The following PARP4 variants were observed in gnomAD, a reference collection of about 807,000 sequenced individuals.
PARP4 encodes the protein poly(ADP-ribose) polymerase family member 4.
A neutral mutation model predicts 187.7 loss-of-function variants in PARP4; 120 were observed. That is an observed-to-expected ratio of 0.64 (90% CI 0.55 to 0.74). PARP4 has a LOEUF of 0.74. PARP4 is among the 30% of genes least tolerant of loss of function. The pLI is 0.00. For synonymous variants in PARP4, 654 were observed against 740.9 expected (o/e 0.88, Z 1.90); for missense variants, 1,836 against 2,070.5 (o/e 0.89, Z 2.20).
intron 1 of PARP4, among the ~76,000 whole-genome samples, chr13:24,509,607 G>T (rs1869889894): frequency 6.6e-6 from 1 of 151,754 alleles, no homozygotes; most frequent in South Asian, 2.1e-4. Flanking sequence ...AGTATTTTTT[G>T]GATACATAAT....
At chr13:24,450,428 T>G (rs1871447732) in intron 24 of PARP4, among the ~76,000 whole-genome samples, 1 of 150,088 alleles carries the variant, frequency 6.7e-6, no homozygotes, top group Non-Finnish European at 1.5e-5. Context: ...GAAAAAGAGC[T>G]TATGAAAATA....
In PARP4 at chr13:24,421,119, T is replaced by C; in HGVS notation, c.5175A>G (p.Ter1725=). 7.2e-7 allele frequency: 1 copy of C among 1,392,794 alleles called. No individual in the cohort carries two copies. Among genetic ancestry groups the C allele is most frequent in the Non-Finnish European group, 9.6e-7 (1 of 1,040,920 alleles). 86.3% of individuals were successfully genotyped at this position (1,392,794 alleles called of 1,614,324 possible). ...AGTTTAAAATTCAGTTTCATTTGAC[T>C]TAGCCTTGACTGTAATGGAGGACTC... The part of the protein sequence containing the change: ...LHRVLHYSQG[*] Residue 1725 remains the stop codon, a stop_retained_variant, in exon 34 of 34, where the codon TAA becomes TAG. Transcript: ENST00000381989.
At chr13:24,495,494 T>C (rs1412525625) in intron 6 of PARP4, among the ~76,000 whole-genome samples, 2 of 152,222 alleles carry the variant, frequency 1.3e-5, no homozygotes, top group Non-Finnish European at 2.9e-5. Flanking sequence ...TATTAGGTCA[T>C]GCACATGTTA....
intron 1 of PARP4, among the ~76,000 whole-genome samples, chr13:24,506,420 T>C (rs879571186): frequency 3.0e-4 from 46 of 152,242 alleles, no homozygotes; most frequent in Admixed American, 3.9e-4. Flanking sequence ...TTGCCACTGC[T>C]AGCTCGGGCA....
intron 33 of PARP4, among the ~76,000 whole-genome samples, 191 bp downstream of exon 33, chr13:24,426,275 G>T (rs1870045037): frequency 6.6e-6 from 1 of 152,112 alleles, no homozygotes; most frequent in South Asian, 2.1e-4. Context: ...TTCCTGTGCA[G>T]CCCAAGGCAC....
chr13:24,479,775 C>A (rs568810902), intron 12 of PARP4, among the ~76,000 whole-genome samples: 1 of 152,324 alleles, frequency 6.6e-6, no homozygotes, highest in East Asian at 1.9e-4. Flanking sequence ...CAGTGGCAAC[C>A]CGCTCTGGTC....
rs771248465 is a variant in PARP4 at position 24,426,617 on chromosome 13, C to T, written c.4847-19G>A. On this transcript the variant is annotated intron_variant, in intron 32 of 33. Coordinates refer to ENST00000381989, the MANE Select transcript of PARP4 (RefSeq NM_006437.4). ...TTTACACCTAAAAGGAAAAAAACTC[C>T]GTTAAGTCTGTTGGAAACTCTGCAT... 10 of 1,604,522 alleles carry T rather than the reference C, an allele frequency of 6.2e-6. No homozygotes were observed. The highest frequency in any genetic ancestry group is 2.7e-5 in the African/African-American group (2 of 74,590).
At chr13:24,462,544 A>G (rs979262323) in intron 17 of PARP4, among the ~76,000 whole-genome samples, 2 of 152,238 alleles carry the variant, frequency 1.3e-5, no homozygotes, top group Non-Finnish European at 2.9e-5. Context: ...ATTTTTAAAA[A>G]GCAAGGAAAA....
In PARP4 at chr13:24,453,655, C is replaced by T; in HGVS notation, c.2759-1G>A. The T allele has an allele frequency of 6.3e-7, 1 of 1,584,688 alleles. No homozygotes were observed. The highest frequency in any genetic ancestry group is 8.7e-7 in the Non-Finnish European group (1 of 1,153,220). The stretch of plus-strand genomic sequence containing the variant: ...GGATACGAAAATAGCTCCTTGTAAC[C>T]TGTGTAATAAGATCAGCATGAGGTG... On this transcript the variant is annotated splice_acceptor_variant, in intron 22 of 33. Transcript: ENST00000381989. LOFTEE classifies it high-confidence loss of function.
intron 12 of PARP4, among the ~76,000 whole-genome samples, chr13:24,480,700 ACT>A (rs971414772): frequency 6.6e-5 from 10 of 152,206 alleles, no homozygotes; most frequent in African/African-American, 2.2e-4. Context: ...CAAGGCCCCA[ACT>A]CTGTTCAATT....
intron 10 of PARP4, among the ~76,000 whole-genome samples, chr13:24,489,825 A>G (rs1868534731): frequency 6.6e-6 from 1 of 152,174 alleles, no homozygotes. Context: ...GCCCCCGCAC[A>G]GCCCTGATTT....
intron 17 of PARP4, among the ~76,000 whole-genome samples, chr13:24,468,508 G>A (rs1435385600): frequency 2.0e-5 from 3 of 149,488 alleles, no homozygotes; most frequent in Admixed American, 6.8e-5. Flanking sequence ...AGGTTCAAGC[G>A]ATTCTCCTGC....
chr13:24,457,844 CT>C (rs937635861), intron 20 of PARP4, among the ~76,000 whole-genome samples: 2 of 146,484 alleles, frequency 1.4e-5, no homozygotes, highest in African/African-American at 2.5e-5. Context: ...AAGAGAGGAA[CT>C]TTTTTTTAAT....
At chr13:24,486,879 G>C (rs1251726009) in intron 10 of PARP4, among the ~76,000 whole-genome samples, 1 of 151,026 alleles carries the variant, frequency 6.6e-6, no homozygotes, top group Non-Finnish European at 1.5e-5. Context: ...TTGAACCCGG[G>C]GCGGGGGGTG....
chr13:24,496,427 T>C (rs959156089), intron 6 of PARP4, among the ~76,000 whole-genome samples: 3 of 152,156 alleles, frequency 2.0e-5, no homozygotes, highest in Admixed American at 6.5e-5. Flanking sequence ...CATTGATAAA[T>C]TGCATTGATA....
At position 24,442,987 on chromosome 13, in the gene PARP4, T is replaced by C. The variant is rs549133955; in HGVS notation, c.3448-302A>G. ...GAAAGATGGAATGACTTGTTCAGGA[T>C]AAAAGGGCCTTAAACAAAACAGCAC... On this transcript the variant is annotated intron_variant, in intron 28 of 33. Transcript: ENST00000381989. 1.4e-4 allele frequency among the ~76,000 whole-genome samples: 21 copies of C among 151,762 alleles called. No homozygotes were observed. In the East Asian group the frequency reaches 4.1e-3, roughly 29 times the overall value.
At chr13:24,455,480 A>AATATATATATATAT (rs57015283) in intron 21 of PARP4, among the ~76,000 whole-genome samples, 1,878 of 108,176 alleles carry the variant, frequency 0.017, 50 homozygotes, top group Non-Finnish European at 0.022. Context: ...TTATGGAACA[A>AATATATATATATAT]ATATATATAT....
rs1259047429 is a variant in PARP4, at chr13:24,469,057, G to A, written c.2100C>T (p.Gly700=). Residue 700 remains glycine, a synonymous_variant, in exon 17 of 34, where the codon GGC becomes GGT. Coordinates refer to ENST00000381989, the MANE Select transcript of PARP4 (RefSeq NM_006437.4). ...QQEYLEAVTQ[G]HGAYLMSQDA... is the part of the protein sequence containing the mutation. ...CCTGACTCATCAGGTAAGCGCCATG[G>A]CCCTGGGTCACGGCTTCTAGGTACT... 1.2e-6 allele frequency: 2 copies of A among 1,613,882 alleles called. No homozygotes were observed. Among genetic ancestry groups the A allele is most frequent in the Non-Finnish European group, 1.7e-6 (2 of 1,179,784 alleles).
At chr13:24,479,506 C>A (rs1051855029) in intron 12 of PARP4, among the ~76,000 whole-genome samples, 6 of 152,176 alleles carry the variant, frequency 3.9e-5, no homozygotes, top group African/African-American at 1.4e-4. Flanking sequence ...CACCAATCAG[C>A]ACCCTGTGTC....
Sources: gnomAD v4.1 joint callset for allele counts (sites outside exome capture counted in the v4.1 genomes callset) on GRCh38, gnomAD v4.1.1 for gene constraint, MANE v1.5 for transcripts, NCBI Gene and HGNC (gene_info 2026-07-23, HGNC 2026-07-21) for gene names.